FBXL2: variants seen among roughly 807,000 people sequenced by gnomAD.
The protein encoded by FBXL2 is F-box/LRR-repeat protein 2.
A neutral mutation model predicts 69.2 loss-of-function variants in FBXL2; 38 were observed. That is an observed-to-expected ratio of 0.55 (90% CI 0.42 to 0.72). FBXL2 has a LOEUF of 0.72. FBXL2 is among the 30% of genes least tolerant of loss of function. The pLI is 0.00. For missense variants in FBXL2, 354 were observed against 520.3 expected, an observed-to-expected ratio of 0.68 and a Z score of 3.11; for synonymous variants, 192 against 201.3, an observed-to-expected ratio of 0.95 and a Z score of 0.39.
At chr3:33,376,559 TC>T (rs1416642343) in intron 10 of FBXL2, among the ~76,000 whole-genome samples, 8 of 152,226 alleles carry the variant, frequency 5.3e-5, no homozygotes, top group Non-Finnish European at 8.8e-5. Context: ...CATGCACCCA[TC>T]CCTATTAAGC....
chr3:33,322,398 A>G (rs1043924618), intron 2 of FBXL2, among the ~76,000 whole-genome samples: 2 of 152,098 alleles, frequency 1.3e-5, no homozygotes, highest in Non-Finnish European at 2.9e-5. Context: ...TGTTTATAAA[A>G]ATGTTTATAG....
At chr3:33,359,455 T>A in intron 4 of FBXL2, 98 bp downstream of exon 4, 1 of 734,012 alleles carries the variant, frequency 1.4e-6, no homozygotes, top group Non-Finnish European at 2.2e-6. Context: ...GATCTAATAT[T>A]AAAGTGCTGA....
intron 1 of FBXL2, among the ~76,000 whole-genome samples, chr3:33,293,965 G>A (rs1434976070): frequency 6.6e-6 from 1 of 152,126 alleles, no homozygotes; most frequent in Non-Finnish European, 1.5e-5. Context: ...ACAGACATAT[G>A]TAAGACCACA....
exon 13 of FBXL2, chr3:33,403,588 A>G (rs866581665): frequency 2.7e-5 from 4 of 150,170 alleles, no homozygotes; most frequent in African/African-American, 7.5e-5. Context: ...CTGTCTGTCT[A>G]TCTATCTATC....
chr3:33,420,051 A>AT, the FBXL2 span, among the ~76,000 whole-genome samples: 1 of 152,210 alleles, frequency 6.6e-6, no homozygotes, highest in Non-Finnish European at 1.5e-5. Context: ...TTGAAGACAC[A>AT]TACTCTAGTC....
chr3:33,305,331 A>G (rs2036619090), intron 2 of FBXL2, among the ~76,000 whole-genome samples: 1 of 151,962 alleles, frequency 6.6e-6, no homozygotes, highest in Admixed American at 6.6e-5. Context: ...TTTCTTTTGC[A>G]TATGGATTAT....
chr3:33,402,667 G>A (rs1234263227), intron 12 of FBXL2: 3 of 558,890 alleles, frequency 5.4e-6, no homozygotes, highest in Non-Finnish European at 5.7e-6. Context: ...CTGCCACCAA[G>A]ATACAGGATA....
chr3:33,281,476 G>T (rs1005731590), intron 1 of FBXL2, among the ~76,000 whole-genome samples: 1 of 152,124 alleles, frequency 6.6e-6, no homozygotes, highest in Admixed American at 6.6e-5. Context: ...CCAAGTCTTT[G>T]CTATTGTGAA....
chr3:33,282,497 T>C (rs1426158469), intron 1 of FBXL2, among the ~76,000 whole-genome samples: 1 of 152,208 alleles, frequency 6.6e-6, no homozygotes, highest in Non-Finnish European at 1.5e-5. Flanking sequence ...TCCAGCTTTG[T>C]TCTTTTGGCT....
intron 1 of FBXL2, among the ~76,000 whole-genome samples, chr3:33,283,595 A>G (rs1023285296): frequency 5.3e-5 from 8 of 152,146 alleles, no homozygotes; most frequent in East Asian, 1.9e-4. Context: ...CTCTTTTTCT[A>G]TTGATTGGAA....
At chr3:33,411,461 G>A in the FBXL2 span, 100 of 809,914 alleles carry the variant, frequency 1.2e-4, no homozygotes, top group Non-Finnish European at 1.9e-4. Context: ...TATATAGAAA[G>A]ACACTACAAC....
chr3:33,304,051 A>G (rs1447920752), intron 2 of FBXL2, among the ~76,000 whole-genome samples: 1 of 152,018 alleles, frequency 6.6e-6, no homozygotes, highest in East Asian at 1.9e-4. Context: ...AAATGTATGT[A>G]TTCACAAATT....
intron 9 of FBXL2, 77 bp downstream of exon 9, chr3:33,373,998 G>GCC: frequency 7.3e-7 from 1 of 1,371,844 alleles, no homozygotes; most frequent in Non-Finnish European, 1.0e-6. Context: ...CCTCCCTGCA[G>GCC]CCCCCTAGGC....
chr3:33,396,713 AC>A (rs2044010202), intron 12 of FBXL2: 1 of 521,152 alleles, frequency 1.9e-6, no homozygotes, highest in Admixed American at 2.4e-5. Context: ...AATAGTCATG[AC>A]CTTGAAAACC....
At chr3:33,338,881 C>T (rs183009615) in intron 2 of FBXL2, among the ~76,000 whole-genome samples, 71 of 152,234 alleles carry the variant, frequency 4.7e-4, no homozygotes, top group Middle Eastern at 3.4e-3. Flanking sequence ...TGCTTCATGA[C>T]GAAGGCTCCA....
At chr3:33,314,575 G>A (rs1017003908) in intron 2 of FBXL2, among the ~76,000 whole-genome samples, 1 of 152,088 alleles carries the variant, frequency 6.6e-6, no homozygotes, top group Non-Finnish European at 1.5e-5. Context: ...TTTGTATTCC[G>A]TTACATTGAA....
At chr3:33,403,411 AG>A (rs1304837595) in exon 13 of FBXL2, 2 of 185,506 alleles carry the variant, frequency 1.1e-5, no homozygotes, top group Admixed American at 1.1e-4. Flanking sequence ...ATACCTCTAA[AG>A]GTTAATAATC....
intron 12 of FBXL2, chr3:33,400,095 G>C: frequency 1.3e-6 from 1 of 767,348 alleles, no homozygotes. Flanking sequence ...CCTATCCATA[G>C]TTATTTCAAA....
intron 2 of FBXL2, among the ~76,000 whole-genome samples, chr3:33,336,485 A>G (rs1282261959): frequency 6.6e-6 from 1 of 152,264 alleles, no homozygotes. Flanking sequence ...AACAGATTCT[A>G]GAAGAAAATA....
Sources: allele counts gnomAD v4.1 joint callset (sites outside exome capture counted in the v4.1 genomes callset), GRCh38; gene constraint gnomAD v4.1.1; transcripts MANE v1.5; gene names NCBI Gene and HGNC (gene_info 2026-07-23, HGNC 2026-07-21).